PLS1: variants seen among roughly 807,000 people sequenced by gnomAD.
The protein encoded by PLS1 is plastin-1.
A neutral mutation model predicts 73.7 loss-of-function variants in PLS1; 32 were observed. The ratio of observed to expected loss-of-function variants is 0.43; its 90% confidence interval spans 0.33 to 0.58. The LOEUF is 0.58. PLS1 is among the 20% of genes least tolerant of loss of function. The pLI is 0.04. For synonymous variants in PLS1, 217 were observed against 261.3 expected (o/e 0.83, Z 1.63); for missense variants, 633 against 740.5 (o/e 0.85, Z 1.68).
intron 1 of PLS1, among the ~76,000 whole-genome samples, chr3:142,607,895 A>G (rs1460519245): frequency 2.6e-5 from 4 of 151,380 alleles, no homozygotes; most frequent in African/African-American, 9.7e-5. Flanking sequence ...TTTTTTTATC[A>G]TTAGCCTGTG....
intron 8 of PLS1, 55 bp from the exon 9 acceptor site, chr3:142,686,220 TTTCCCTAAA>T: frequency 2.1e-6 from 2 of 964,874 alleles, no homozygotes; most frequent in Non-Finnish European, 3.3e-6. Context: ...GAGCACTTGT[TTTCCCTAAA>T]TTCAATGATG....
rs1401347897 is a variant in PLS1 at position 142,676,983 on chromosome 3, C to T, written c.497+694C>T. Reference sequence around the variant, plus strand: ...CTTAAAAAGGAAAACAAAACCTTACCCATAAGTACAGGATATTAGATTTTA... The same window carrying T: ...CTTAAAAAGGAAAACAAAACCTTACTCATAAGTACAGGATATTAGATTTTA... On this transcript the variant is annotated intron_variant, in intron 5 of 15. Coordinates refer to ENST00000457734, the MANE Select transcript of PLS1 (RefSeq NM_001145319.2). Among the ~76,000 whole-genome samples, 3 of 151,858 alleles carry T rather than the reference C, an allele frequency of 2.0e-5. No homozygotes were observed. The East Asian group carries it at 5.8e-4, about 29-fold the overall frequency.
At chr3:142,652,766 CGTT>C (rs908844952) in intron 1 of PLS1, among the ~76,000 whole-genome samples, 1 of 152,150 alleles carries the variant, frequency 6.6e-6, no homozygotes, top group Non-Finnish European at 1.5e-5. Flanking sequence ...GAAGAGGCTA[CGTT>C]GTTGTTGGTT....
At chr3:142,647,201 T>G (rs1447159792) in intron 1 of PLS1, among the ~76,000 whole-genome samples, 3 of 152,216 alleles carry the variant, frequency 2.0e-5, no homozygotes, top group South Asian at 4.1e-4. Context: ...TGACATTTTT[T>G]GAATAGAATC....
chr3:142,678,385 T>C, intron 6 of PLS1, among the ~76,000 whole-genome samples: 1 of 149,670 alleles, frequency 6.7e-6, no homozygotes, highest in East Asian at 2.0e-4. Flanking sequence ...ACTCGTCATT[T>C]AGCATTAGGT....
At chr3:142,695,759 T>G (rs949026097) in intron 11 of PLS1, among the ~76,000 whole-genome samples, 10 of 37,190 alleles carry the variant, frequency 2.7e-4, no homozygotes, top group South Asian at 1.1e-3. Context: ...TAAGGAGACT[T>G]ACTTATTTAT....
chr3:142,643,833 T>C (rs1205724143), intron 1 of PLS1, among the ~76,000 whole-genome samples: 3 of 149,442 alleles, frequency 2.0e-5, no homozygotes, highest in African/African-American at 5.0e-5. Context: ...TCATTTTTTT[T>C]TTTTTTTTTT....
intron 3 of PLS1, among the ~76,000 whole-genome samples, chr3:142,669,816 G>A (rs994094540): frequency 1.9e-4 from 29 of 152,136 alleles, no homozygotes; most frequent in African/African-American, 7.0e-4. Flanking sequence ...GAATAACTAG[G>A]TGAGTTCAAT....
At chr3:142,653,821 C>G (rs1244699101) in intron 1 of PLS1, among the ~76,000 whole-genome samples, 1 of 152,104 alleles carries the variant, frequency 6.6e-6, no homozygotes, top group Non-Finnish European at 1.5e-5. Context: ...GAGCAATAAT[C>G]ATAAGATTGT....
chr3:142,656,103 A>G (rs1183013288), intron 1 of PLS1, among the ~76,000 whole-genome samples: 1 of 152,146 alleles, frequency 6.6e-6, no homozygotes, highest in Non-Finnish European at 1.5e-5. Context: ...CTGGGATTAT[A>G]GGTGCATGCC....
chr3:142,641,237 ATATATC>A (rs2036830478), intron 1 of PLS1, among the ~76,000 whole-genome samples: 1 of 145,282 alleles, frequency 6.9e-6, no homozygotes, highest in Non-Finnish European at 1.5e-5. Context: ...TATAATATCT[ATATATC>A]TATATATCTC....
At chr3:142,687,436 A>T (rs1323788035) in intron 9 of PLS1, among the ~76,000 whole-genome samples, 4 of 152,196 alleles carry the variant, frequency 2.6e-5, no homozygotes, top group Admixed American at 6.5e-5. Context: ...TTGGTTTTAA[A>T]GGCAACTTGA....
intron 1 of PLS1, among the ~76,000 whole-genome samples, chr3:142,613,509 G>T (rs951969028): frequency 6.6e-6 from 1 of 151,894 alleles, no homozygotes; most frequent in South Asian, 2.1e-4. Flanking sequence ...CTTAAAAAAA[G>T]AAAAGAAAAA....
intron 10 of PLS1, among the ~76,000 whole-genome samples, chr3:142,690,081 T>C (rs1408395908): frequency 6.6e-6 from 1 of 152,218 alleles, no homozygotes; most frequent in African/African-American, 2.4e-5. Flanking sequence ...ATAACAGCTC[T>C]ACCACCAACA....
chr3:142,712,057 T>C lies in PLS1; in HGVS notation c.*50T>C. ...ATTAAACATATTGTATGCCTCACAG[T>C]TTACAGGATTCTGAAATGTAGTGGG... On this transcript the variant is annotated 3_prime_UTR_variant, in exon 16 of 16. Transcript: ENST00000457734. The C allele has an allele frequency of 6.5e-7, 1 of 1,531,182 alleles. No homozygotes were observed. 94.8% of individuals were successfully genotyped at this position (1,531,182 alleles called of 1,614,324 possible). A position where few individuals can be genotyped will look rare whatever the true frequency, so the allele number is the denominator to read the frequency against.
intron 1 of PLS1, among the ~76,000 whole-genome samples, chr3:142,604,975 A>G (rs2035993619): frequency 6.6e-6 from 1 of 152,144 alleles, no homozygotes; most frequent in Non-Finnish European, 1.5e-5. Context: ...CAGTGGAAAA[A>G]GGAAATCTGA....
intron 5 of PLS1, among the ~76,000 whole-genome samples, chr3:142,677,607 G>T (rs1027465024): frequency 1.3e-5 from 2 of 151,966 alleles, no homozygotes; most frequent in African/African-American, 4.8e-5. Context: ...TCACACCACT[G>T]CATTCCAGCC....
At chr3:142,706,148 TTAAG>T (rs1419566955) in intron 14 of PLS1, among the ~76,000 whole-genome samples, 1 of 152,188 alleles carries the variant, frequency 6.6e-6, no homozygotes, top group African/African-American at 2.4e-5. Context: ...TGAGCTCCTA[TTAAG>T]TAACTTTTAT....
chr3:142,662,638 T>C (rs1207075229), intron 1 of PLS1, among the ~76,000 whole-genome samples: 1 of 152,186 alleles, frequency 6.6e-6, no homozygotes, highest in Non-Finnish European at 1.5e-5. Context: ...CTTTTAGATA[T>C]TTATCACACA....
Sources: allele counts gnomAD v4.1 joint callset (sites outside exome capture counted in the v4.1 genomes callset), GRCh38; gene constraint gnomAD v4.1.1; transcripts MANE v1.5; gene names NCBI Gene and HGNC (gene_info 2026-07-23, HGNC 2026-07-21).